The following LRRFIP1 variants were observed in gnomAD, a reference collection of about 807,000 sequenced individuals.
LRRFIP1 encodes LRR binding FLII interacting protein 1.
A neutral mutation model predicts 104.4 loss-of-function variants in LRRFIP1; 62 were observed. The observed-to-expected ratio is 0.59, with a 90% CI of 0.48 to 0.73. The LOEUF (loss-of-function observed/expected upper bound fraction) is 0.73, where lower values mean the gene tolerates loss of function less well. LRRFIP1 is among the 30% of genes least tolerant of loss of function. LRRFIP1 has a pLI of 0.00. For missense variants in LRRFIP1, 796 were observed against 824.5 expected, an observed-to-expected ratio of 0.97 and a Z score of 0.42; for synonymous variants, 300 against 299.0, an observed-to-expected ratio of 1.00 and a Z score of -0.03.
chr2:237,691,370 G>A lies in LRRFIP1; in HGVS notation c.97-17174G>A, dbSNP rs2092740937. 6.6e-6 allele frequency among the ~76,000 whole-genome samples: 1 copy of A among 152,220 alleles called. No homozygotes were observed. Among genetic ancestry groups the A allele is most frequent in the East Asian group, 1.9e-4 (1 of 5,190 alleles). On this transcript the variant is annotated intron_variant, in intron 1 of 23. Transcript: ENST00000308482. The surrounding 1 kb of genome is among the most constrained non-coding windows in gnomAD (Gnocchi z 5.4). Reference sequence around the variant, plus strand: ...CCGGAGGAGACCGGCGCCTGGCAGGGGGTCGTCGCGGCCGCAGCCTGGACG... The same window carrying A: ...CCGGAGGAGACCGGCGCCTGGCAGGAGGTCGTCGCGGCCGCAGCCTGGACG...
At position 237,766,740 on chromosome 2, in the gene LRRFIP1, AAG is replaced by A. The variant is rs375572196; in HGVS notation, c.1460-3200_1460-3199del. On this transcript the variant is annotated intron_variant, in intron 19 of 23. Transcript: ENST00000308482. The surrounding 1 kb of genome is among the most constrained non-coding windows in gnomAD (Gnocchi z 4.8). ...CATGAGCAAGAAAGAAGGAAAAAGAAAGAGTTCTGAGCAGCCAAACCATTTCT... is the reference window on the plus strand; with the variant it reads ...CATGAGCAAGAAAGAAGGAAAAAGAAAGTTCTGAGCAGCCAAACCATTTCT... Among the ~76,000 whole-genome samples the A allele has an allele frequency of 1.3e-5, 2 of 152,358 alleles. No homozygotes were observed. Among genetic ancestry groups the A allele is most frequent in the Non-Finnish European group, 2.9e-5 (2 of 68,032 alleles).
rs114407133 is a variant in LRRFIP1 at position 237,723,422 on chromosome 2, T to C, written c.346-126T>C. 9.1e-4 allele frequency: 836 copies of C among 915,904 alleles called. 6 individuals carry two copies. In the African/African-American group the frequency reaches 0.012, roughly 13 times the overall value. 56.7% of individuals were successfully genotyped at this position (915,904 alleles called of 1,614,324 possible). A position where few individuals can be genotyped will look rare whatever the true frequency, so the allele number is the denominator to read the frequency against. On this transcript the variant is annotated intron_variant, in intron 6 of 23. Transcript: ENST00000308482. The stretch of plus-strand genomic sequence containing the variant: ...AATACATATTAGATCCTAGAAATTA[T>C]GGAAAAATGCATTTTTGTTAAGATT...
chr2:237,738,259 G>A (rs1024582345), intron 10 of LRRFIP1, among the ~76,000 whole-genome samples: 95 of 147,218 alleles, frequency 6.5e-4, no homozygotes, highest in African/African-American at 2.5e-3. Context: ...TTGAGCACCC[G>A]TGAAGATCTG....
rs1254185019 is a variant in LRRFIP1 at position 237,766,465 on chromosome 2, G to A, written c.1460-3478G>A. 1.3e-5 allele frequency among the ~76,000 whole-genome samples: 2 copies of A among 152,138 alleles called. No individual in the cohort carries two copies. Among genetic ancestry groups the A allele is most frequent in the Non-Finnish European group, 2.9e-5 (2 of 68,016 alleles). On this transcript the variant is annotated intron_variant, in intron 19 of 23. Transcript: ENST00000308482. The surrounding 1 kb of genome is among the most constrained non-coding windows in gnomAD (Gnocchi z 4.8). The stretch of plus-strand genomic sequence containing the variant: ...TTAAAGGGCTCTTGGAAAGCAGTGT[G>A]ACAACCAAGGTCACTAAATGGTGAG...
intron 1 of LRRFIP1, among the ~76,000 whole-genome samples, chr2:237,706,181 G>A (rs968882599): frequency 4.0e-5 from 6 of 151,898 alleles, no homozygotes; most frequent in Admixed American, 1.3e-4. Flanking sequence ...AGAATTCCAC[G>A]TTCCCACACA....
chr2:237,779,156 G>A (rs1469851080), intron 23 of LRRFIP1, among the ~76,000 whole-genome samples: 1 of 152,170 alleles, frequency 6.6e-6, no homozygotes, highest in African/African-American at 2.4e-5. Flanking sequence ...GGAGCTTGCA[G>A]TGAGCCGAGA....
intron 15 of LRRFIP1, among the ~76,000 whole-genome samples, chr2:237,753,871 G>GTGTA (rs2058956490): frequency 1.3e-5 from 2 of 149,132 alleles, no homozygotes; most frequent in African/African-American, 2.5e-5. Context: ...GATATATCGT[G>GTGTA]TGTATGTATG....
At chr2:237,628,701 G>A (rs1285221258) in intron 1 of LRRFIP1, among the ~76,000 whole-genome samples, 1 of 152,182 alleles carries the variant, frequency 6.6e-6, no homozygotes, top group Non-Finnish European at 1.5e-5. Flanking sequence ...TTTTCCACAT[G>A]TGATTCTTCC....
At chr2:237,698,935 G>A (rs533107525) in intron 1 of LRRFIP1, among the ~76,000 whole-genome samples, 17 of 152,284 alleles carry the variant, frequency 1.1e-4, no homozygotes, top group African/African-American at 3.6e-4. Flanking sequence ...ACATAATTTC[G>A]AGTCAATATA....
At chr2:237,752,954 A>G (rs1384377149) in intron 14 of LRRFIP1, among the ~76,000 whole-genome samples, 1 of 152,208 alleles carries the variant, frequency 6.6e-6, no homozygotes, top group East Asian at 1.9e-4. Flanking sequence ...TCTGTTGAAC[A>G]GCCTGACACC....
chr2:237,655,274 C>A, intron 1 of LRRFIP1, among the ~76,000 whole-genome samples: 2 of 149,722 alleles, frequency 1.3e-5, no homozygotes, highest in Non-Finnish European at 3.0e-5. Flanking sequence ...CCATGCCCAG[C>A]TAATTTTTGT....
In LRRFIP1 at chr2:237,772,146, T is replaced by C; in HGVS notation, c.1575T>C (p.Ser525=). ...QKIGKLDNLR[S]EDDVLENGTD... ...TTGGCAAACTAGACAATCTTCGATC[T>C]GAAGATGATGTCTTGGAAAACGGGA... is the stretch of plus-strand genomic sequence containing the variant. The change falls in exon 21 of 24, where the codon TCT becomes TCC. Residue 525 remains serine, a synonymous_variant. Transcript: ENST00000308482. 1 of 1,613,982 alleles carries C rather than the reference T, an allele frequency of 6.2e-7. No individual in the cohort carries two copies. The highest frequency in any genetic ancestry group is 1.1e-5 in the South Asian group (1 of 91,082).
Position 237,735,588 on chromosome 2 carries a change from G to A in LRRFIP1, c.555+255G>A. ...CTGAGTTTCATCTGCTCTCTCTGCA[G>A]CACGCCAACCATACTAACAGGTGGT... On this transcript the variant is annotated intron_variant, in intron 10 of 23. Transcript: ENST00000308482. This position sits in a 1 kb window ranked among gnomAD's most constrained non-coding sequence, Gnocchi z 4.6. The A allele has an allele frequency of 2.2e-6, 1 of 447,172 alleles. No individual in the cohort carries two copies. Among genetic ancestry groups the A allele is most frequent in the South Asian group, 3.5e-5 (1 of 28,366 alleles). The allele number at this position is 447,172 out of a possible 1,614,324, so 27.7% of individuals were successfully genotyped here. A position where few individuals can be genotyped will look rare whatever the true frequency, so the allele number is the denominator to read the frequency against.
In LRRFIP1 at chr2:237,735,649, C is replaced by A; in HGVS notation, c.555+316C>A. ...TCGGTTAATAAAAACGGGAAAAGGA[C>A]AACTTGACAGACCACACATCATTCT... On this transcript the variant is annotated intron_variant, in intron 10 of 23. Transcript: ENST00000308482. This position sits in a 1 kb window ranked among gnomAD's most constrained non-coding sequence, Gnocchi z 4.6. 3.4e-6 allele frequency: 1 copy of A among 293,424 alleles called. No homozygotes were observed. 18.2% of individuals were successfully genotyped at this position (293,424 alleles called of 1,614,324 possible). A position where few individuals can be genotyped will look rare whatever the true frequency, so the allele number is the denominator to read the frequency against.
chr2:237,707,794 G>A (rs147017731), intron 1 of LRRFIP1, among the ~76,000 whole-genome samples: 30 of 152,364 alleles, frequency 2.0e-4, no homozygotes, highest in Middle Eastern at 3.4e-3. Context: ...GCAGAATGTG[G>A]CAGAACAGCT....
intron 1 of LRRFIP1, among the ~76,000 whole-genome samples, chr2:237,707,461 G>GA (rs112902148): frequency 0.16 from 12,984 of 82,424 alleles, 1,708 homozygotes; most frequent in African/African-American, 0.39. Flanking sequence ...AAAGGAAAAA[G>GA]AAAAAAAAAA....
At chr2:237,723,513 G>A (rs772344657) in intron 6 of LRRFIP1, 35 bp from the exon 7 acceptor site, 1 of 1,609,192 alleles carries the variant, frequency 6.2e-7, no homozygotes, top group Admixed American at 1.7e-5. Flanking sequence ...TCTCTTTGCT[G>A]TTGTTTTTTT....
In LRRFIP1 at chr2:237,781,465, G is replaced by A. The variant is rs1021464467; in HGVS notation, c.*1933G>A. On this transcript the variant is annotated 3_prime_UTR_variant, in exon 24 of 24. Coordinates refer to ENST00000308482, the MANE Select transcript of LRRFIP1 (RefSeq NM_001137550.2). ...CGATTCCCAGGTGTCTCACAGCCCT[G>A]AGAAGATGGCGTTTTCCCTATCAGT... Among the ~76,000 whole-genome samples, 2 of 152,180 alleles carry A rather than the reference G, an allele frequency of 1.3e-5. No homozygotes were observed. The highest frequency in any genetic ancestry group is 1.5e-5 in the Non-Finnish European group (1 of 68,040).
chr2:237,767,116 C>T (rs914763554), intron 19 of LRRFIP1, among the ~76,000 whole-genome samples: 1 of 152,072 alleles, frequency 6.6e-6, no homozygotes, highest in African/African-American at 2.4e-5. Context: ...GTCGAGGCTG[C>T]AGTGAATTGT....
Sources: gnomAD v4.1 joint callset for allele counts (sites outside exome capture counted in the v4.1 genomes callset) on GRCh38, gnomAD v4.1.1 for gene constraint, Gnocchi (gnomAD v3.1) non-coding constraint, MANE v1.5 for transcripts, NCBI Gene and HGNC (gene_info 2026-07-23, HGNC 2026-07-21) for gene names.